NDC80: variants seen among roughly 807,000 people sequenced by gnomAD.
The protein encoded by NDC80 is NDC80 kinetochore complex component.
NDC80 carries 69 observed loss-of-function variants against 89.3 expected under a neutral mutation model. The observed-to-expected ratio is 0.77, with a 90% confidence interval of 0.64 to 0.94. The LOEUF is 0.94. Ranked by LOEUF, NDC80 falls within the 40% of genes least tolerant of loss-of-function variation. The pLI is 0.00. For synonymous variants in NDC80, 243 were observed against 255.6 expected, an observed-to-expected ratio of 0.95 and a Z score of 0.47; for missense variants, 593 against 739.6, an observed-to-expected ratio of 0.80 and a Z score of 2.30.
intron 6 of NDC80, chr18:2,582,837 T>C (rs2072585054): frequency 6.6e-6 from 1 of 152,266 alleles, no homozygotes; most frequent in African/African-American, 2.4e-5. Flanking sequence ...AAATAAACTT[T>C]GATTTCCTAT....
At position 2,590,128 on chromosome 18, in the gene NDC80, A is replaced by G; in HGVS notation, c.981A>G (p.Lys327=). Residue 327 remains lysine (K), a synonymous_variant, in exon 10 of 17, where the codon AAA becomes AAG. Transcript: ENST00000261597. Reference sequence around the variant, plus strand: ...CTCATTCAGCCATTCTTGACCAGAAATTAAATGGTCTCAATGAGGAAATTG... The same window carrying G: ...CTCATTCAGCCATTCTTGACCAGAAGTTAAATGGTCTCAATGAGGAAATTG... The part of the protein sequence containing the change: ...LESHSAILDQ[K]LNGLNEEIAR... 1 of 1,611,762 alleles carries G rather than the reference A, an allele frequency of 6.2e-7. No homozygotes were observed.
chr18:2,608,757 A>T lies in NDC80; in HGVS notation c.1615A>T (p.Lys539Ter). Reference protein sequence around the residue: ...ASELESLEKHKHLLESTVNQG... With the variant: ...ASELESLEKH ...TGAGCTTGAGTCCTTGGAGAAACAC[A>T]AGCACCTGCTAGAAAGTACTGTTAA... The change falls in exon 15 of 17, where the codon AAG becomes TAG. Residue 539 changes from lysine (K) to a stop codon, truncating the protein, a stop_gained. Transcript: ENST00000261597. LOFTEE classifies it high-confidence loss of function. 6.2e-7 allele frequency: 1 copy of T among 1,613,250 alleles called. No individual in the cohort carries two copies. The highest frequency in any genetic ancestry group is 8.5e-7 in the Non-Finnish European group (1 of 1,179,362).
chr18:2,608,780 T>C lies in NDC80; in HGVS notation c.1638T>C (p.Val546=). 1.2e-6 allele frequency: 2 copies of C among 1,613,188 alleles called. No homozygotes were observed. The highest frequency in any genetic ancestry group is 1.1e-5 in the South Asian group (1 of 91,038). ...ACAAGCACCTGCTAGAAAGTACTGT[T>C]AACCAGGGGCTCAGTGAAGCTATGA... is the stretch of plus-strand genomic sequence containing the variant. ...EKHKHLLEST[V]NQGLSEAMNE... is the part of the protein sequence containing the mutation. The change falls in exon 15 of 17, where the codon GTT becomes GTC. Residue 546 remains valine (V), a synonymous_variant. Transcript: ENST00000261597.
chr18:2,606,637 G>C (rs758086335), intron 14 of NDC80, 130 bp downstream of exon 14: 5 of 477,880 alleles, frequency 1.0e-5, no homozygotes, highest in Non-Finnish European at 1.4e-5. Flanking sequence ...TCTTGGGTTA[G>C]TTTTCTCTGC....
chr18:2,595,108 G>A (rs1194043356), intron 10 of NDC80, among the ~76,000 whole-genome samples: 1 of 151,532 alleles, frequency 6.6e-6, no homozygotes, highest in African/African-American at 2.4e-5. Context: ...AGGGAAATAA[G>A]TTTCTTAACA....
At chr18:2,601,312 T>C (rs1261244446) in intron 12 of NDC80, 84 bp from the exon 13 acceptor site, 2 of 500,208 alleles carry the variant, frequency 4.0e-6, no homozygotes, top group Admixed American at 8.4e-5. Context: ...AAGTGACTCC[T>C]CCTATCACAG....
In NDC80 at chr18:2,572,994, C is replaced by CATGA. The variant is rs1431577558; in HGVS notation, c.10_11insTGAA (p.Ser4MetfsTer24). The CATGA allele has an allele frequency of 2.5e-6, 4 of 1,613,454 alleles. No homozygotes were observed. The South Asian group carries it at 3.3e-5, about 13-fold the overall frequency. On this transcript the variant is annotated frameshift_variant, in exon 2 of 17. Transcript: ENST00000261597. LOFTEE classifies it high-confidence loss of function. ...GAATGTAGGTCATAAGCATGAAGCG[C>CATGA]AGTTCAGTTTCCAGCGGTGGTGCTG... is the stretch of plus-strand genomic sequence containing the variant.
chr18:2,575,418 G>A (rs543681075), intron 3 of NDC80, among the ~76,000 whole-genome samples: 50 of 151,932 alleles, frequency 3.3e-4, no homozygotes, highest in Non-Finnish European at 6.0e-4. Context: ...AGGAGTTCAA[G>A]ACCAGCCTGG....
At position 2,595,477 on chromosome 18, in the gene NDC80, G is replaced by A; in HGVS notation, c.1077G>A (p.Gln359=). 1 of 1,613,760 alleles carries A rather than the reference G, an allele frequency of 6.2e-7. No homozygotes were observed. ...GACTACAGAATATCATTGACAACCA[G>A]AAGTACTCAGTTGCAGACATTGAGC... is the stretch of plus-strand genomic sequence containing the variant. The part of the protein sequence containing the change: ...NTRLQNIIDN[Q]KYSVADIERI... Residue 359 remains glutamine (Q), a synonymous_variant, in exon 11 of 17, where the codon CAG becomes CAA. Coordinates refer to ENST00000261597, the MANE Select transcript of NDC80 (RefSeq NM_006101.3).
At chr18:2,603,274 C>G (rs1347230849) in intron 13 of NDC80, among the ~76,000 whole-genome samples, 1 of 149,724 alleles carries the variant, frequency 6.7e-6, no homozygotes, top group Non-Finnish European at 1.5e-5. Flanking sequence ...AAGGGACCGG[C>G]AAAGGAAGGA....
intron 16 of NDC80, among the ~76,000 whole-genome samples, chr18:2,614,653 G>GAAAGAAAGAAAGAAAT (rs1159680828): frequency 1.2e-5 from 1 of 82,190 alleles, no homozygotes; most frequent in Non-Finnish European, 2.8e-5. Flanking sequence ...AAGAAAGAAA[G>GAAAGAAAGAAAGAAAT]AAATAAATTT....
chr18:2,601,829 A>C (rs1424960271), intron 13 of NDC80, among the ~76,000 whole-genome samples: 2 of 152,134 alleles, frequency 1.3e-5, no homozygotes, highest in African/African-American at 2.4e-5. Context: ...TTACGGCGTT[A>C]GAAGCTAATT....
intron 11 of NDC80, among the ~76,000 whole-genome samples, chr18:2,598,692 C>T (rs1183273457): frequency 1.3e-5 from 2 of 151,944 alleles, no homozygotes; most frequent in Non-Finnish European, 2.9e-5. Flanking sequence ...TTACATGTTT[C>T]GTAATTTCTT....
chr18:2,582,567 ACT>A (rs1204825155), intron 6 of NDC80: 4 of 151,958 alleles, frequency 2.6e-5, no homozygotes, highest in Non-Finnish European at 4.4e-5. Context: ...ATTACTAACC[ACT>A]GTTTTTAAAT....
intron 6 of NDC80, among the ~76,000 whole-genome samples, chr18:2,580,336 C>T (rs8086551): frequency 0.14 from 20,649 of 146,742 alleles, 2,626 homozygotes; most frequent in African/African-American, 0.34. Context: ...TTCTCTCTCT[C>T]TTTTTTTTTT....
rs1019068610 is a variant in NDC80, at chr18:2,595,543, T to C, written c.1143T>C (p.Asn381=). 6.2e-7 allele frequency: 1 copy of C among 1,613,778 alleles called. No homozygotes were observed. The highest frequency in any genetic ancestry group is 1.3e-5 in the African/African-American group (1 of 74,926). Residue 381 remains asparagine, a synonymous_variant, in exon 11 of 17, where the codon AAT becomes AAC. Transcript: ENST00000261597. The stretch of plus-strand genomic sequence containing the variant: ...GAAATGAATTGCAGCAGACTATTAA[T>C]AAATTAACCAAGGACCTGGAAGCTG... ...HERNELQQTI[N]KLTKDLEAEQ... is the part of the protein sequence containing the mutation.
chr18:2,575,124 C>T (rs2072539783), intron 3 of NDC80, 58 bp downstream of exon 3: 1 of 1,193,336 alleles, frequency 8.4e-7, no homozygotes, highest in Non-Finnish European at 1.2e-6. Context: ...ACGTTGTTGC[C>T]CTCAGAGAAC....
chr18:2,610,193 C>G (rs2072735386), intron 15 of NDC80, among the ~76,000 whole-genome samples: 1 of 152,182 alleles, frequency 6.6e-6, no homozygotes. Context: ...ATATACTGAA[C>G]AGTTAATCCA....
intron 10 of NDC80, chr18:2,593,953 C>A: frequency 5.4e-6 from 1 of 183,762 alleles, no homozygotes. Context: ...CCCAGGCTGG[C>A]GTGCAGTGGT....
Sources: gnomAD v4.1 joint callset for allele counts (sites outside exome capture counted in the v4.1 genomes callset) on GRCh38, gnomAD v4.1.1 for gene constraint, MANE v1.5 for transcripts, NCBI Gene and HGNC (gene_info 2026-07-23, HGNC 2026-07-21) for gene names.